TENT4B: variants seen among roughly 807,000 people sequenced by gnomAD.
TENT4B encodes the protein terminal nucleotidyltransferase 4B.
A neutral mutation model predicts 75.0 loss-of-function variants in TENT4B; 10 were observed. That is an observed-to-expected ratio of 0.13 (90% CI 0.08 to 0.23). TENT4B has a LOEUF of 0.23. TENT4B is among the 10% of genes least tolerant of loss of function. TENT4B has a pLI of 1.00. For missense variants in TENT4B, 579 were observed against 893.8 expected (o/e 0.65, Z 4.49); for synonymous variants, 350 against 357.7 (o/e 0.98, Z 0.24).
At chr16:50,193,559 C>T (rs1045873833) in intron 1 of TENT4B, among the ~76,000 whole-genome samples, 1 of 151,890 alleles carries the variant, frequency 6.6e-6, no homozygotes, top group African/African-American at 2.4e-5. Flanking sequence ...AGGATGGTCT[C>T]GATCTCCTGA....
In TENT4B at chr16:50,232,493, G is replaced by C. The variant is rs189533281; in HGVS notation, c.*3165G>C. 5 of 985,222 alleles carry C rather than the reference G, an allele frequency of 5.1e-6. No homozygotes were observed. In the African/African-American group the frequency reaches 8.7e-5, roughly 17 times the overall value. The allele number at this position is 985,222 out of a possible 1,614,324, so 61.0% of individuals were successfully genotyped here. On this transcript the variant is annotated 3_prime_UTR_variant, in exon 12 of 12. Coordinates refer to ENST00000561678, the MANE Select transcript of TENT4B (RefSeq NM_001365324.3). Reference sequence around the variant, plus strand: ...CATTTTTAATTGTCTTTTTCTGCTGGAACCTTATATCTCTCCATGTGTTTT... The same window carrying C: ...CATTTTTAATTGTCTTTTTCTGCTGCAACCTTATATCTCTCCATGTGTTTT...
intron 6 of TENT4B, among the ~76,000 whole-genome samples, chr16:50,222,814 G>A (rs1301626278): frequency 2.6e-5 from 4 of 152,160 alleles, no homozygotes; most frequent in African/African-American, 7.2e-5. Context: ...TTGGGTAAGC[G>A]AATTAGAGTC....
At position 50,164,173 on chromosome 16, in the gene TENT4B, T is replaced by G. The variant is rs181208844; in HGVS notation, c.638+9914T>G. 9.6e-4 allele frequency among the ~76,000 whole-genome samples: 145 copies of G among 151,810 alleles called. 2 individuals carry two copies. Among genetic ancestry groups the G allele is most frequent in the African/African-American group, 2.7e-3 (113 of 41,406 alleles). ...ACTTCATCTCAAAAAAAATAAAAAA[T>G]AAAAAAGAAAGAAAGAAAGAAATGG... is the stretch of plus-strand genomic sequence containing the variant. On this transcript the variant is annotated intron_variant, in intron 1 of 11. Transcript: ENST00000561678.
chr16:50,181,544 A>G (rs973238416), intron 1 of TENT4B, among the ~76,000 whole-genome samples: 18 of 150,446 alleles, frequency 1.2e-4, no homozygotes, highest in African/African-American at 3.9e-4. Context: ...AGCTCAAGCA[A>G]CTCACCTGCC....
intron 1 of TENT4B, among the ~76,000 whole-genome samples, chr16:50,170,517 C>T (rs948951750): frequency 6.6e-6 from 1 of 152,108 alleles, no homozygotes; most frequent in African/African-American, 2.4e-5. Flanking sequence ...GTAGCAGCAG[C>T]GTTAAAGAAA....
At position 50,230,083 on chromosome 16, in the gene TENT4B, A is replaced by G. The variant is rs1363505186; in HGVS notation, c.*755A>G. Reference sequence around the variant, plus strand: ...GCAAAAATTTTTCCTCTCTAAAGAAAAGGTTTATGGTGGCAAATGATGTTT... The same window carrying G: ...GCAAAAATTTTTCCTCTCTAAAGAAGAGGTTTATGGTGGCAAATGATGTTT... On this transcript the variant is annotated 3_prime_UTR_variant, in exon 12 of 12. Coordinates refer to ENST00000561678, the MANE Select transcript of TENT4B (RefSeq NM_001365324.3). 1 of 984,918 alleles carries G rather than the reference A, an allele frequency of 1.0e-6. No individual in the cohort carries two copies. The highest frequency in any genetic ancestry group is 1.2e-6 in the Non-Finnish European group (1 of 829,678). The allele number at this position is 984,918 out of a possible 1,614,324, so 61.0% of individuals were successfully genotyped here.
At chr16:50,199,319 C>T (rs571122297) in intron 1 of TENT4B, among the ~76,000 whole-genome samples, 9 of 152,338 alleles carry the variant, frequency 5.9e-5, no homozygotes, top group African/African-American at 2.2e-4. Context: ...GCAGTGCAGC[C>T]TCACCAGAAT....
intron 5 of TENT4B, among the ~76,000 whole-genome samples, chr16:50,219,745 C>G (rs1359866467): frequency 1.4e-5 from 2 of 146,248 alleles, no homozygotes. Context: ...TTTTCTTTCC[C>G]TCCCTTTTCT....
intron 1 of TENT4B, among the ~76,000 whole-genome samples, chr16:50,175,638 A>G (rs2038292934): frequency 6.6e-6 from 1 of 151,572 alleles, no homozygotes; most frequent in African/African-American, 2.4e-5. Context: ...CGCCCAGCTA[A>G]TTTTTGTATT....
At chr16:50,186,285 G>T (rs912487782) in intron 1 of TENT4B, among the ~76,000 whole-genome samples, 1 of 151,014 alleles carries the variant, frequency 6.6e-6, no homozygotes, top group African/African-American at 2.4e-5. Flanking sequence ...CCATCTAAGT[G>T]GAATCCTACA....
chr16:50,159,256 T>C (rs982412809), intron 1 of TENT4B, among the ~76,000 whole-genome samples: 1 of 151,764 alleles, frequency 6.6e-6, no homozygotes, highest in African/African-American at 2.4e-5. Context: ...GTTTTTTTTT[T>C]TTTTTTAGAC....
chr16:50,193,331 GTTT>G (rs774084083), intron 1 of TENT4B, among the ~76,000 whole-genome samples: 9 of 101,474 alleles, frequency 8.9e-5, no homozygotes, highest in Non-Finnish European at 1.3e-4. Context: ...AGTTCCTGGA[GTTT>G]TTTTTTTTTT....
intron 1 of TENT4B, among the ~76,000 whole-genome samples, chr16:50,198,623 A>C (rs2030435965): frequency 6.6e-6 from 1 of 152,190 alleles, no homozygotes; most frequent in Admixed American, 6.5e-5. Flanking sequence ...AATTTAAATT[A>C]AAATCCCACT....
At chr16:50,225,477 A>G (rs2032007882) in intron 10 of TENT4B, among the ~76,000 whole-genome samples, 192 bp downstream of exon 10, 2 of 152,186 alleles carry the variant, frequency 1.3e-5, no homozygotes, top group Admixed American at 6.5e-5. Context: ...AAAGTGAACA[A>G]ATTTTAGTGA....
At chr16:50,202,277 A>T (rs372318237) in intron 1 of TENT4B, among the ~76,000 whole-genome samples, 1 of 152,204 alleles carries the variant, frequency 6.6e-6, no homozygotes, top group Non-Finnish European at 1.5e-5. Flanking sequence ...ATAGGGAAAG[A>T]TGTTACAAAT....
intron 7 of TENT4B, among the ~76,000 whole-genome samples, chr16:50,224,236 C>T (rs1472045214): frequency 6.6e-6 from 1 of 152,040 alleles, no homozygotes; most frequent in African/African-American, 2.4e-5. Flanking sequence ...CCAAAGGACA[C>T]GAAGACTTTT....
chr16:50,166,765 C>T (rs2038107992), intron 1 of TENT4B, among the ~76,000 whole-genome samples: 1 of 148,808 alleles, frequency 6.7e-6, no homozygotes, highest in East Asian at 2.0e-4. Context: ...AGGCGCATGC[C>T]ACCATGCCTG....
At chr16:50,157,064 A>G (rs79395081) in intron 1 of TENT4B, among the ~76,000 whole-genome samples, 1,834 of 152,308 alleles carry the variant, frequency 0.012, 33 homozygotes, top group African/African-American at 0.041. Context: ...CTGAGATTAA[A>G]TATACTAAAA....
At position 50,190,086 on chromosome 16, in the gene TENT4B, AAAAAAAACAAAG is replaced by A. The variant is rs1027945983; in HGVS notation, c.639-21232_639-21221del. On this transcript the variant is annotated intron_variant, in intron 1 of 11. Coordinates refer to ENST00000561678, the MANE Select transcript of TENT4B (RefSeq NM_001365324.3). Reference sequence around the variant, plus strand: ...GTGAGACTCTGTTTCAAAAAAAAAAAAAAAAAACAAAGAAAAGAAAAGAAAGAAAGAAATGTA... The same window carrying A: ...GTGAGACTCTGTTTCAAAAAAAAAAAAAAAGAAAAGAAAGAAAGAAATGTA... Among the ~76,000 whole-genome samples the A allele has an allele frequency of 1.2e-4, 15 of 124,064 alleles. No homozygotes were observed. In the South Asian group the frequency reaches 1.5e-3, roughly 13 times the overall value. The allele number at this position is 124,064 out of a possible 152,430, so 81.4% of individuals were successfully genotyped here.
Sources: allele counts gnomAD v4.1 joint callset (sites outside exome capture counted in the v4.1 genomes callset), GRCh38; gene constraint gnomAD v4.1.1; transcripts MANE v1.5; gene names NCBI Gene and HGNC (gene_info 2026-07-23, HGNC 2026-07-21).